HOMER2: variants seen among roughly 807,000 people sequenced by gnomAD.
HOMER2 encodes homer scaffold protein 2.
A neutral mutation model predicts 47.0 loss-of-function variants in HOMER2; 27 were observed. The observed-to-expected ratio is 0.57, with a 90% CI of 0.42 to 0.79. The LOEUF (loss-of-function observed/expected upper bound fraction) is 0.79. Ranked by LOEUF, HOMER2 falls within the 30% of genes least tolerant of loss-of-function variation. HOMER2 has a pLI of 0.00. For synonymous variants in HOMER2, 161 were observed against 163.8 expected (o/e 0.98, Z 0.13); for missense variants, 443 against 435.0 (o/e 1.02, Z -0.16).
chr15:82,878,259 A>ATAACTAGAATAT (rs2052411702), intron 2 of HOMER2, among the ~76,000 whole-genome samples: 3 of 152,184 alleles, frequency 2.0e-5, no homozygotes, highest in African/African-American at 7.2e-5. Context: ...AGAGGCAGTC[A>ATAACTAGAATAT]AGCTAGAATA....
intron 4 of HOMER2, among the ~76,000 whole-genome samples, chr15:82,861,653 A>C (rs2051794236): frequency 6.6e-6 from 1 of 152,182 alleles, no homozygotes; most frequent in Non-Finnish European, 1.5e-5. Flanking sequence ...AAACTTAATC[A>C]AAGTGTTCAT....
At chr15:82,843,545 A>C (rs1277518596) in exon 2 of HOMER2, 1 of 151,110 alleles carries the variant, frequency 6.6e-6, no homozygotes, top group African/African-American at 2.4e-5. Flanking sequence ...AGTAACAGAT[A>C]AACTTGACTA....
At chr15:82,860,279 T>C (rs187818901) in intron 4 of HOMER2, among the ~76,000 whole-genome samples, 3 of 152,218 alleles carry the variant, frequency 2.0e-5, no homozygotes, top group Admixed American at 2.0e-4. Context: ...TTTCCTATAT[T>C]GACAAGCTCT....
intron 2 of HOMER2, among the ~76,000 whole-genome samples, chr15:82,881,354 C>T (rs1035600077): frequency 3.9e-5 from 6 of 152,144 alleles, no homozygotes; most frequent in South Asian, 4.1e-4. Context: ...ACAGGCCCAT[C>T]GGATTCCTTT....
intron 1 of HOMER2, among the ~76,000 whole-genome samples, chr15:82,909,029 C>T (rs747159859): frequency 3.9e-5 from 6 of 152,036 alleles, no homozygotes; most frequent in Non-Finnish European, 7.4e-5. Context: ...AGAGGAACAA[C>T]CAAACCAGGG....
chr15:82,967,934 G>A (rs2054690398), intron 1 of HOMER2, among the ~76,000 whole-genome samples: 1 of 151,958 alleles, frequency 6.6e-6, no homozygotes, highest in Non-Finnish European at 1.5e-5. Flanking sequence ...ATATCTCACT[G>A]CACAGGCAGG....
At chr15:82,966,265 C>G (rs531850900) in intron 1 of HOMER2, among the ~76,000 whole-genome samples, 35 of 151,680 alleles carry the variant, frequency 2.3e-4, no homozygotes, top group African/African-American at 6.5e-4. Flanking sequence ...AGTAACAGGC[C>G]CAAGATGAAG....
At chr15:82,928,909 C>T (rs937797961) in intron 1 of HOMER2, among the ~76,000 whole-genome samples, 8 of 52,584 alleles carry the variant, frequency 1.5e-4, no homozygotes, top group African/African-American at 9.1e-4. Context: ...TACAAAAAAA[C>T]AGCTGTAACA....
intron 2 of HOMER2, among the ~76,000 whole-genome samples, chr15:82,891,363 T>C (rs559643476): frequency 8.5e-5 from 13 of 152,276 alleles, no homozygotes; most frequent in Non-Finnish European, 1.5e-4. Flanking sequence ...CTGTGGCAAC[T>C]GGAAGGGAGA....
chr15:82,945,759 A>G (rs964569170), intron 1 of HOMER2, among the ~76,000 whole-genome samples: 1 of 152,162 alleles, frequency 6.6e-6, no homozygotes, highest in Non-Finnish European at 1.5e-5. Flanking sequence ...TCACGAGGTC[A>G]GGAGATCGAG....
intron 1 of HOMER2, among the ~76,000 whole-genome samples, chr15:82,901,476 C>T (rs1264002338): frequency 6.6e-6 from 1 of 152,194 alleles, no homozygotes; most frequent in African/African-American, 2.4e-5. Context: ...TGAACCCCTG[C>T]ACAGAAACCC....
rs548621674 is a variant in HOMER2 at position 82,898,231 on chromosome 15, T to G, written c.6-5390A>C. 3.3e-5 allele frequency among the ~76,000 whole-genome samples: 5 copies of G among 152,262 alleles called. No individual in the cohort carries two copies. The South Asian group carries it at 1.0e-3, about 32-fold the overall frequency. ...CTTTGAAAGAGTCTTCTGCTTCACT[T>G]GAGAAAGCAAAAGAGCTAGAAGTAG... is the stretch of plus-strand genomic sequence containing the variant. On this transcript the variant is annotated intron_variant, in intron 1 of 8. Coordinates refer to ENST00000450735, the MANE Select transcript of HOMER2 (RefSeq NM_004839.4).
At chr15:82,870,689 C>G (rs962972252) in intron 3 of HOMER2, among the ~76,000 whole-genome samples, 1 of 152,198 alleles carries the variant, frequency 6.6e-6, no homozygotes, top group Non-Finnish European at 1.5e-5. Context: ...GCTGTTAAAT[C>G]AGGACCCAGA....
chr15:82,941,078 C>T (rs1426755216), intron 1 of HOMER2, among the ~76,000 whole-genome samples: 1 of 152,108 alleles, frequency 6.6e-6, no homozygotes, highest in Non-Finnish European at 1.5e-5. Context: ...CAGTTCTTGC[C>T]TGGAGTGTGA....
At chr15:82,839,890 GAA>G (rs2051159019) in exon 2 of HOMER2, 1 of 152,058 alleles carries the variant, frequency 6.6e-6, no homozygotes, top group African/African-American at 2.4e-5. Context: ...CAGGTCTCAA[GAA>G]AACATCCATG....
chr15:82,915,739 T>C lies in HOMER2; in HGVS notation c.6-22898A>G, dbSNP rs774213433. ...CCCAACAACTCCACTTCTTGGAATCTATTCAAAAGTGATAAATAAGGATAT... is the reference window on the plus strand; with the variant it reads ...CCCAACAACTCCACTTCTTGGAATCCATTCAAAAGTGATAAATAAGGATAT... On this transcript the variant is annotated intron_variant, in intron 1 of 8. Coordinates refer to ENST00000450735, the MANE Select transcript of HOMER2 (RefSeq NM_004839.4). Among the ~76,000 whole-genome samples the C allele has an allele frequency of 2.6e-5, 4 of 152,302 alleles. No individual in the cohort carries two copies. In the South Asian group the frequency reaches 8.3e-4, roughly 32 times the overall value.
chr15:82,906,724 G>A (rs923300290), intron 1 of HOMER2, among the ~76,000 whole-genome samples: 8 of 152,010 alleles, frequency 5.3e-5, no homozygotes, highest in South Asian at 2.1e-4. Context: ...GTGAGCCACC[G>A]CGCCCAGCCA....
At chr15:82,896,532 T>A (rs766982524) in intron 1 of HOMER2, among the ~76,000 whole-genome samples, 3 of 152,182 alleles carry the variant, frequency 2.0e-5, no homozygotes, top group Non-Finnish European at 4.4e-5. Flanking sequence ...GGCCACACTC[T>A]TGGTCAACAT....
chr15:82,851,096 T>C, intron 8 of HOMER2, 55 bp downstream of exon 8: 2 of 1,107,306 alleles, frequency 1.8e-6, no homozygotes, highest in Non-Finnish European at 2.7e-6. Context: ...ATGAGTACCA[T>C]GACATTTGTG....
Sources: allele counts gnomAD v4.1 joint callset (sites outside exome capture counted in the v4.1 genomes callset), GRCh38; gene constraint gnomAD v4.1.1; transcripts MANE v1.5; gene names NCBI Gene and HGNC (gene_info 2026-07-23, HGNC 2026-07-21).